HTT: variants seen among roughly 807,000 people sequenced by gnomAD.
HTT encodes huntington disease protein.
Under a neutral mutation model 362.3 loss-of-function variants are expected in HTT, and 104 were observed. The observed-to-expected ratio is 0.29, with a 90% confidence interval of 0.24 to 0.34. HTT has a LOEUF of 0.34. Among genes scored for constraint, HTT ranks in the 10% least tolerant of loss-of-function variants. The probability of loss-of-function intolerance (pLI) is 1.00; values close to 1 mark genes in which losing one functional copy is unlikely to be tolerated. For missense variants in HTT, 3,301 were observed against 3,928.6 expected (o/e 0.84, Z 4.27); for synonymous variants, 1,577 against 1,548.7 (o/e 1.02, Z -0.43).
Position 3,134,345 on chromosome 4 carries a change from G to A in HTT, c.2494-56G>A, listed in dbSNP as rs1203679372. On this transcript the variant is annotated intron_variant, in intron 18 of 66. Coordinates refer to ENST00000355072, the MANE Select transcript of HTT (RefSeq NM_001388492.1). Reference sequence around the variant, plus strand: ...GTGACGGTTCTCAAACCGTCAAGACGCGGGTACTGAGTGGGACTAACCTGC... The same window carrying A: ...GTGACGGTTCTCAAACCGTCAAGACACGGGTACTGAGTGGGACTAACCTGC... 6.0e-5 allele frequency: 92 copies of A among 1,530,260 alleles called. No homozygotes were observed. In the East Asian group the frequency reaches 1.8e-3, roughly 31 times the overall value. The allele number at this position is 1,530,260 out of a possible 1,614,324, so 94.8% of individuals were successfully genotyped here.
In HTT at chr4:3,228,546, G is replaced by A; in HGVS notation, c.7849-69G>A. ...GGTAGGCATGTGCTGAGTCCCAGTG[G>A]CCACACCCACCCACCAGGAGCCTGG... On this transcript the variant is annotated intron_variant, in intron 57 of 66. Coordinates refer to ENST00000355072, the MANE Select transcript of HTT (RefSeq NM_001388492.1). This position sits in a 1 kb window ranked among gnomAD's most constrained non-coding sequence, Gnocchi z 4.3. 3.3e-6 allele frequency: 5 copies of A among 1,498,384 alleles called. No individual in the cohort carries two copies. Among genetic ancestry groups the A allele is most frequent in the Non-Finnish European group, 4.5e-6 (5 of 1,121,242 alleles). 92.8% of individuals were successfully genotyped at this position (1,498,384 alleles called of 1,614,324 possible). A position where few individuals can be genotyped will look rare whatever the true frequency, so the allele number is the denominator to read the frequency against.
chr4:3,169,532 C>T (rs1717873740), intron 29 of HTT, among the ~76,000 whole-genome samples: 1 of 150,462 alleles, frequency 6.6e-6, no homozygotes, highest in South Asian at 2.1e-4. Context: ...ACAGTGTCTA[C>T]TCTGTTGTTA....
At chr4:3,138,241 T>G (rs918902043) in intron 21 of HTT, among the ~76,000 whole-genome samples, 6 of 151,812 alleles carry the variant, frequency 4.0e-5, no homozygotes, top group African/African-American at 4.9e-5. Flanking sequence ...ATATACACAT[T>G]TTTTTAAATT....
chr4:3,202,034 T>G (rs1212128337), intron 41 of HTT, among the ~76,000 whole-genome samples: 1 of 152,168 alleles, frequency 6.6e-6, no homozygotes, highest in East Asian at 1.9e-4. Flanking sequence ...CAGGAGGTCC[T>G]TATGTGGGTC....
intron 40 of HTT, 27 bp downstream of exon 40, chr4:3,189,120 G>A: frequency 6.2e-7 from 1 of 1,611,162 alleles, no homozygotes. Context: ...AGTCTTCCTG[G>A]AGTGTCTCGT....
At position 3,223,696 on chromosome 4, in the gene HTT, G is replaced by C. The variant is rs1453413390; in HGVS notation, c.7625+136G>C. 3.5e-6 allele frequency: 3 copies of C among 861,008 alleles called. No individual in the cohort carries two copies. The East Asian group carries it at 7.9e-5, about 23-fold the overall frequency. The allele number at this position is 861,008 out of a possible 1,614,324, so 53.3% of individuals were successfully genotyped here. ...ATTGAAAACACCGTCCGTGTGGCCTGTGCAGGAGATGCAGACCCAAAGGTG... is the reference window on the plus strand; with the variant it reads ...ATTGAAAACACCGTCCGTGTGGCCTCTGCAGGAGATGCAGACCCAAAGGTG... On this transcript the variant is annotated intron_variant, in intron 55 of 66. Coordinates refer to ENST00000355072, the MANE Select transcript of HTT (RefSeq NM_001388492.1).
intron 24 of HTT, 124 bp from the exon 25 acceptor site, chr4:3,146,673 A>T (rs1446081175): frequency 2.5e-6 from 2 of 807,632 alleles, no homozygotes; most frequent in Non-Finnish European, 4.0e-6. Flanking sequence ...TAAAAATAAA[A>T]CAATTTCTGA....
In HTT at chr4:3,212,708, A is replaced by T; in HGVS notation, c.6773A>T (p.Glu2258Val). The T allele has an allele frequency of 6.2e-7, 1 of 1,614,130 alleles. No individual in the cohort carries two copies. Among genetic ancestry groups the T allele is most frequent in the Non-Finnish European group, 8.5e-7 (1 of 1,180,008 alleles). ...GTGAAATTCGTGGTGGCAACCCTTG[A>T]GGTAAGAGGCAGCTCGGGAGCTCAG... The part of the protein sequence containing the change: ...DIVKFVVATL[E>V]ALSWHLIHEQ... The change falls in exon 49 of 67, where the codon GAG (glutamate) becomes GTG (valine). Residue 2258 changes from glutamate to valine, a missense_variant and splice_region_variant. Transcript: ENST00000355072.
chr4:3,107,454 C>A (rs757286815), intron 6 of HTT, 31 bp downstream of exon 6: 2 of 1,610,930 alleles, frequency 1.2e-6, no homozygotes, highest in Admixed American at 1.7e-5. Context: ...CACAAACATG[C>A]GAGTGATGCT....
At position 3,189,112 on chromosome 4, in the gene HTT, T is replaced by C. The variant is rs2110250058; in HGVS notation, c.5368+19T>C. On this transcript the variant is annotated intron_variant, in intron 40 of 66. Coordinates refer to ENST00000355072, the MANE Select transcript of HTT (RefSeq NM_001388492.1). Reference sequence around the variant, plus strand: ...AAGTCTGGTAGGTGAATCACATTAGTCTTCCTGGAGTGTCTCGTTCCCCAT... The same window carrying C: ...AAGTCTGGTAGGTGAATCACATTAGCCTTCCTGGAGTGTCTCGTTCCCCAT... 4 of 1,613,126 alleles carry C rather than the reference T, an allele frequency of 2.5e-6. No individual in the cohort carries two copies. Among genetic ancestry groups the C allele is most frequent in the Non-Finnish European group, 3.4e-6 (4 of 1,179,196 alleles).
rs1375874156 is a variant in HTT, at chr4:3,074,709, C to T, written c.-117C>T. The T allele has an allele frequency of 1.2e-5, 13 of 1,110,126 alleles. No homozygotes were observed. The East Asian group carries it at 2.3e-4, about 20-fold the overall frequency. The allele number at this position is 1,110,126 out of a possible 1,614,324, so 68.8% of individuals were successfully genotyped here. On this transcript the variant is annotated 5_prime_UTR_variant, in exon 1 of 67. Coordinates refer to ENST00000355072, the MANE Select transcript of HTT (RefSeq NM_001388492.1). ...GCCGGGACGGGTCCAAGATGGACGG[C>T]CGCTCAGGTTCTGCTTTTACCTGCG... is the stretch of plus-strand genomic sequence containing the variant.
At chr4:3,103,742 T>C in intron 3 of HTT, 82 bp from the exon 4 acceptor site, 1 of 845,914 alleles carries the variant, frequency 1.2e-6, no homozygotes, top group Non-Finnish European at 2.0e-6. Flanking sequence ...TGCCCCAAAA[T>C]TGAAATCTTA....
chr4:3,239,276 G>A (rs367620425), intron 66 of HTT, among the ~76,000 whole-genome samples: 10 of 152,158 alleles, frequency 6.6e-5, no homozygotes, highest in African/African-American at 2.4e-5. Context: ...CTCTGCAGAC[G>A]TCCCGCCCAC....
intron 21 of HTT, among the ~76,000 whole-genome samples, chr4:3,137,913 T>G (rs1716146208): frequency 1.3e-5 from 2 of 152,244 alleles, no homozygotes; most frequent in Non-Finnish European, 2.9e-5. Flanking sequence ...GAGTTCATGT[T>G]TTGGCTAATT....
chr4:3,121,505 C>A (rs1294692741), intron 9 of HTT, 73 bp downstream of exon 9: 3 of 1,016,810 alleles, frequency 3.0e-6, no homozygotes, highest in African/African-American at 3.2e-5. Flanking sequence ...TGATTATGGG[C>A]CTGCCCTGTG....
rs541219008 is a variant in HTT, at chr4:3,198,630, A to G, written c.5369-1102A>G. 1.7e-3 allele frequency among the ~76,000 whole-genome samples: 263 copies of G among 152,306 alleles called. 2 individuals are homozygous for G. The highest frequency in any genetic ancestry group is 3.0e-3 in the Admixed American group (46 of 15,304). On this transcript the variant is annotated intron_variant, in intron 40 of 66. Coordinates refer to ENST00000355072, the MANE Select transcript of HTT (RefSeq NM_001388492.1). ...CCAGCTGGGCCTTTCTCTGTTTCCC[A>G]AGTCTTGCTGCCTCTCCCTGCTGGG... is the stretch of plus-strand genomic sequence containing the variant.
At chr4:3,160,468 G>A in intron 29 of HTT, 76 bp downstream of exon 29, 2 of 1,032,852 alleles carry the variant, frequency 1.9e-6, no homozygotes, top group Non-Finnish European at 3.0e-6. Context: ...GTTCATCTAG[G>A]ATGGAGCCTG....
intron 9 of HTT, among the ~76,000 whole-genome samples, chr4:3,122,001 T>A (rs2110178442): frequency 6.6e-6 from 1 of 152,336 alleles, no homozygotes; most frequent in East Asian, 1.9e-4. Flanking sequence ...TGCTGAGAAA[T>A]GAAAACAGTA....
intron 40 of HTT, among the ~76,000 whole-genome samples, chr4:3,191,672 G>C (rs1044337154): frequency 5.3e-5 from 8 of 152,166 alleles, no homozygotes; most frequent in African/African-American, 1.9e-4. Context: ...GCATTGTTGG[G>C]ATTATATGGT....
Sources: gnomAD v4.1 joint callset for allele counts (sites outside exome capture counted in the v4.1 genomes callset) on GRCh38, gnomAD v4.1.1 for gene constraint, Gnocchi (gnomAD v3.1) non-coding constraint, MANE v1.5 for transcripts, NCBI Gene and HGNC (gene_info 2026-07-23, HGNC 2026-07-21) for gene names.